The following CACNA2D4 variants were observed in gnomAD, a reference collection of about 807,000 sequenced individuals.
CACNA2D4 encodes the protein voltage-dependent calcium channel subunit alpha-2/delta-4.
In CACNA2D4, 157 loss-of-function variants were observed where a neutral mutation model predicts 163.8. The ratio of observed to expected loss-of-function variants is 0.96; its 90% confidence interval spans 0.84 to 1.09. The LOEUF is 1.09. CACNA2D4 is among the 50% of genes least tolerant of loss of function. The pLI is 0.00. For synonymous variants in CACNA2D4, 598 were observed against 586.9 expected (o/e 1.02, Z -0.27); for missense variants, 1,410 against 1,479.9 (o/e 0.95, Z 0.78).
rs1592697241 is a variant in CACNA2D4, at chr12:1,834,831, C to G, written c.2551+5908G>C. 1 of 1,436,064 alleles carries G rather than the reference C, an allele frequency of 7.0e-7. No homozygotes were observed. Among genetic ancestry groups the G allele is most frequent in the African/African-American group, 1.4e-5 (1 of 69,988 alleles). 89.0% of individuals were successfully genotyped at this position (1,436,064 alleles called of 1,614,324 possible). On this transcript the variant is annotated intron_variant, in intron 26 of 37. Coordinates refer to ENST00000382722, the MANE Select transcript of CACNA2D4 (RefSeq NM_172364.5). This position sits in a 1 kb window ranked among gnomAD's most constrained non-coding sequence, Gnocchi z 7.6. ...TGGCCACTGCCTCCCCGAGTCCACC[C>G]TCCTCCCCGCCCTCCAGCAGACAAG... is the stretch of plus-strand genomic sequence containing the variant.
intron 29 of CACNA2D4, among the ~76,000 whole-genome samples, chr12:1,805,256 G>A (rs938076870): frequency 2.6e-5 from 4 of 152,176 alleles, no homozygotes; most frequent in Non-Finnish European, 4.4e-5. Flanking sequence ...AGAAGCCTGC[G>A]GGGGAAGCAG....
rs1863220581 is a variant in CACNA2D4, at chr12:1,798,999, G to A, written c.2995+676C>T. Among the ~76,000 whole-genome samples the A allele has an allele frequency of 6.6e-6, 1 of 152,218 alleles. No homozygotes were observed. Among genetic ancestry groups the A allele is most frequent in the Non-Finnish European group, 1.5e-5 (1 of 68,046 alleles). On this transcript the variant is annotated intron_variant, in intron 34 of 37. Transcript: ENST00000382722. The surrounding 1 kb of genome is among the most constrained non-coding windows in gnomAD (Gnocchi z 4.3). ...GAGAGAGGACCACAGTGGAGATGAA[G>A]AGATGGGATAAGCTGGGGACAGCCC...
At chr12:1,826,405 C>G (rs112547985) in intron 26 of CACNA2D4, among the ~76,000 whole-genome samples, 6 of 39,780 alleles carry the variant, frequency 1.5e-4, no homozygotes, top group Admixed American at 4.2e-4. Flanking sequence ...CCAGAGCCCC[C>G]CCCCCCCCCC....
In CACNA2D4 at chr12:1,799,908, A is replaced by T. The variant is rs1863252454; in HGVS notation, c.2974+92T>A. 3.6e-6 allele frequency: 5 copies of T among 1,407,708 alleles called. No individual in the cohort carries two copies. The highest frequency in any genetic ancestry group is 4.9e-6 in the Non-Finnish European group (5 of 1,020,660). 87.2% of individuals were successfully genotyped at this position (1,407,708 alleles called of 1,614,324 possible). On this transcript the variant is annotated intron_variant, in intron 33 of 37. Transcript: ENST00000382722. The surrounding 1 kb of genome is among the most constrained non-coding windows in gnomAD (Gnocchi z 4.7). ...CGATGCTTCAGGGTCACCTATCCCC[A>T]CTGTCACCCACCCCACAGGGAATGG...
At chr12:1,814,443 CAG>C (rs1376462996) in intron 26 of CACNA2D4, among the ~76,000 whole-genome samples, 2 of 152,200 alleles carry the variant, frequency 1.3e-5, no homozygotes, top group Non-Finnish European at 2.9e-5. Flanking sequence ...CCTTGGGTCA[CAG>C]AGCGCTAATG....
At chr12:1,803,520 T>G in intron 29 of CACNA2D4, among the ~76,000 whole-genome samples, 1 of 152,216 alleles carries the variant, frequency 6.6e-6, no homozygotes, top group East Asian at 1.9e-4. Context: ...CCTACAGTAT[T>G]TCCTGTGTAA....
intron 26 of CACNA2D4, among the ~76,000 whole-genome samples, chr12:1,818,518 A>G (rs573939238): frequency 1.1e-4 from 16 of 151,626 alleles, no homozygotes; most frequent in East Asian, 1.9e-4. Context: ...ACTCAGGGTT[A>G]AATGGATTAA....
At position 1,860,146 on chromosome 12, in the gene CACNA2D4, T is replaced by C; in HGVS notation, c.1939A>G (p.Ser647Gly). The C allele has an allele frequency of 1.2e-6, 2 of 1,612,652 alleles. No individual in the cohort carries two copies. Among genetic ancestry groups the C allele is most frequent in the Non-Finnish European group, 1.7e-6 (2 of 1,178,758 alleles). ...GCAAATAAAGCCTGTGTCCCTCACCTGAAAGGGGTGTCGCTGATGTCCGTG... is the reference window on the plus strand; with the variant it reads ...GCAAATAAAGCCTGTGTCCCTCACCCGAAAGGGGTGTCGCTGATGTCCGTG... The part of the protein sequence containing the change: ...FFTDISDTPF[S>G]LGVVLSRGHG... The change falls in exon 19 of 38, where the codon AGT (serine) becomes GGT (glycine). Residue 647 changes from serine to glycine, a missense_variant and splice_region_variant. By Grantham distance (56) the Ser-to-Gly change is moderately conservative. Transcript: ENST00000382722.
chr12:1,885,978 C>T lies in CACNA2D4; in HGVS notation c.1055G>A (p.Arg352Gln), dbSNP rs758719842. 5.6e-6 allele frequency: 9 copies of T among 1,612,650 alleles called. No homozygotes were observed. Among genetic ancestry groups the T allele is most frequent in the Admixed American group, 5.0e-5 (3 of 59,938 alleles). ...GTGGACACTCACCTCTCGATTGTCT[C>T]GGTCCGCCTGGACGAGGATCCCTTT... ...CFKGILVQADRDNREHFKLLV... is the reference protein window; with the variant it reads ...CFKGILVQADQDNREHFKLLV... The change falls in exon 9 of 38, where the codon CGA becomes CAA. Residue 352 changes from arginine to glutamine, a missense_variant. Physicochemically the swap from Arg to Gln is conservative, Grantham distance 43. Coordinates refer to ENST00000382722, the MANE Select transcript of CACNA2D4 (RefSeq NM_172364.5).
intron 18 of CACNA2D4, among the ~76,000 whole-genome samples, chr12:1,871,151 C>T (rs556084739): frequency 1.4e-4 from 20 of 139,948 alleles, no homozygotes; most frequent in Non-Finnish European, 2.9e-4. Context: ...TGTGTGTGTA[C>T]ACATGTGTGC....
intron 3 of CACNA2D4, 67 bp downstream of exon 3, chr12:1,912,956 G>A: frequency 1.1e-6 from 1 of 944,764 alleles, no homozygotes; most frequent in Non-Finnish European, 1.7e-6. Flanking sequence ...GACATCGGGA[G>A]GGTCACTCTG....
chr12:1,862,045 C>T (rs548690369), intron 18 of CACNA2D4, among the ~76,000 whole-genome samples: 3 of 152,320 alleles, frequency 2.0e-5, no homozygotes, highest in African/African-American at 4.8e-5. Context: ...TATTGCTGTC[C>T]GTCCAGTAGT....
At chr12:1,866,468 C>T (rs1405914431) in intron 18 of CACNA2D4, among the ~76,000 whole-genome samples, 1 of 152,064 alleles carries the variant, frequency 6.6e-6, no homozygotes, top group Non-Finnish European at 1.5e-5. Flanking sequence ...TTTTATTAAC[C>T]CACATTATTT....
intron 26 of CACNA2D4, chr12:1,836,639 G>A (rs760684631): frequency 4.6e-5 from 7 of 152,674 alleles, no homozygotes; most frequent in Admixed American, 1.3e-4. Flanking sequence ...TGGGGGGAGG[G>A]GAGGGCATTG....
rs1206401434 is a variant in CACNA2D4 at position 1,884,438 on chromosome 12, C to A, written c.1273-117G>T. 12 of 807,520 alleles carry A rather than the reference C, an allele frequency of 1.5e-5. 1 individual carries two copies. Among genetic ancestry groups the A allele is most frequent in the Non-Finnish European group, 2.1e-6 (1 of 483,976 alleles). 50.0% of individuals were successfully genotyped at this position (807,520 alleles called of 1,614,324 possible). On this transcript the variant is annotated intron_variant, in intron 11 of 37. Transcript: ENST00000382722. ...AGTGCCTCTCAGTCTTCGGGTTCTC[C>A]AATTTCACCCCCTGAGGCCCAGGCA...
Position 1,840,839 on chromosome 12 carries a change from C to A in CACNA2D4, c.2471-20G>T, listed in dbSNP as rs1308528409. 3 of 1,487,364 alleles carry A rather than the reference C, an allele frequency of 2.0e-6. No homozygotes were observed. The highest frequency in any genetic ancestry group is 2.7e-6 in the Non-Finnish European group (3 of 1,124,926). 92.1% of individuals were successfully genotyped at this position (1,487,364 alleles called of 1,614,324 possible). On this transcript the variant is annotated intron_variant, in intron 25 of 37. Transcript: ENST00000382722. ...CACTTTCTGGGGAAACAGAGACAAC[C>A]CAGTCATGGGGAAGAGCTGTGGTTG... is the stretch of plus-strand genomic sequence containing the variant.
chr12:1,841,310 T>G (rs960397894), intron 25 of CACNA2D4, among the ~76,000 whole-genome samples: 3 of 152,188 alleles, frequency 2.0e-5, no homozygotes, highest in Non-Finnish European at 4.4e-5. Flanking sequence ...GGCAGCGAGA[T>G]GACGGACCCT....
Position 1,795,705 on chromosome 12 carries a change from G to C in CACNA2D4, c.3189C>G (p.Ile1063Met), listed in dbSNP as rs913019318. 2 of 1,613,242 alleles carry C rather than the reference G, an allele frequency of 1.2e-6. No homozygotes were observed. Among genetic ancestry groups the C allele is most frequent in the African/African-American group, 1.3e-5 (1 of 75,034 alleles). Residue 1063 changes from isoleucine to methionine, a missense_variant, in exon 36 of 38, where the codon ATC becomes ATG. Transcript: ENST00000382722. ...TCGCCTCCTGCAGCACTGGTGGGAA[G>C]ATGCTGCAGTCACAGGTGGGGTCTG... ...LVTDPTCDCS[I>M]FPPVLQEATE...
Position 1,801,204 on chromosome 12 carries a change from C to T in CACNA2D4, c.2793-86G>A, listed in dbSNP as rs1000055119. 3.3e-5 allele frequency: 37 copies of T among 1,106,258 alleles called. No homozygotes were observed. The African/African-American group carries it at 4.4e-4, about 13-fold the overall frequency. The allele number at this position is 1,106,258 out of a possible 1,614,324, so 68.5% of individuals were successfully genotyped here. On this transcript the variant is annotated intron_variant, in intron 30 of 37. Transcript: ENST00000382722. ...CAGGAGGCTTTACTAGCAGAGCATC[C>T]GTTTACCGCAATTCCCAAGGGCGCC...
Sources: allele counts gnomAD v4.1 joint callset (sites outside exome capture counted in the v4.1 genomes callset), GRCh38; gene constraint gnomAD v4.1.1; non-coding constraint Gnocchi (gnomAD v3.1); transcripts MANE v1.5; gene names NCBI Gene and HGNC (gene_info 2026-07-23, HGNC 2026-07-21).